The following CTNNA3 variants were observed in gnomAD, a reference collection of about 807,000 sequenced individuals.
CTNNA3 encodes catenin alpha 3, also known as catenin alpha-3.
CTNNA3 carries 76 observed loss-of-function variants against 95.7 expected under a neutral mutation model. The observed-to-expected ratio is 0.79, with a 90% CI of 0.66 to 0.96. The LOEUF (loss-of-function observed/expected upper bound fraction) is 0.96, where lower values mean the gene tolerates loss of function less well. Ranked by LOEUF, CTNNA3 falls within the 40% of genes least tolerant of loss-of-function variation. The probability of loss-of-function intolerance (pLI) is 0.00; values close to 1 mark genes in which losing one functional copy is unlikely to be tolerated. For missense variants in CTNNA3, 1,191 were observed against 1,089.8 expected (o/e 1.09, Z -1.31); for synonymous variants, 431 against 374.4 (o/e 1.15, Z -1.74).
intron 5 of CTNNA3, among the ~76,000 whole-genome samples, chr10:67,379,568 A>G (rs1261621556): frequency 6.6e-6 from 1 of 152,240 alleles, no homozygotes; most frequent in Non-Finnish European, 1.5e-5. Context: ...CCAAAGGTAA[A>G]GCAAACAAGT....
intron 1 of CTNNA3, among the ~76,000 whole-genome samples, chr10:67,672,490 T>C (rs553147148): frequency 3.9e-5 from 6 of 152,352 alleles, no homozygotes; most frequent in African/African-American, 1.2e-4. Context: ...TTTATGGTTT[T>C]AGGTCTAACA....
At chr10:67,437,310 G>T (rs1018717097) in intron 5 of CTNNA3, among the ~76,000 whole-genome samples, 1 of 152,074 alleles carries the variant, frequency 6.6e-6, no homozygotes, top group Non-Finnish European at 1.5e-5. Context: ...ATGGACTTTG[G>T]GGACCTGAGA....
chr10:66,013,850 C>T (rs2079047880), intron 15 of CTNNA3, among the ~76,000 whole-genome samples: 1 of 152,098 alleles, frequency 6.6e-6, no homozygotes, highest in Non-Finnish European at 1.5e-5. Context: ...AATAGCTTGG[C>T]AATTCAACAT....
intron 7 of CTNNA3, among the ~76,000 whole-genome samples, chr10:67,091,190 A>G (rs1274446792): frequency 6.6e-6 from 1 of 152,096 alleles, no homozygotes; most frequent in Non-Finnish European, 1.5e-5. Context: ...AGCAAAACCC[A>G]AAGCTAGTTA....
intron 7 of CTNNA3, among the ~76,000 whole-genome samples, chr10:66,990,391 A>G (rs1850979098): frequency 6.6e-6 from 1 of 152,210 alleles, no homozygotes; most frequent in Non-Finnish European, 1.5e-5. Flanking sequence ...TTAAATAAGA[A>G]AGATGCACAG....
chr10:66,621,006 T>C (rs1443731278), intron 10 of CTNNA3, among the ~76,000 whole-genome samples: 1 of 152,170 alleles, frequency 6.6e-6, no homozygotes, highest in Non-Finnish European at 1.5e-5. Context: ...TCTTGATTCA[T>C]GGCTTCAAAA....
intron 11 of CTNNA3, among the ~76,000 whole-genome samples, chr10:66,394,604 G>C (rs1251684962): frequency 2.7e-5 from 4 of 150,330 alleles, no homozygotes; most frequent in African/African-American, 9.7e-5. Flanking sequence ...TTACCAGACT[G>C]AGCATCAGGA....
At position 66,719,028 on chromosome 10, in the gene CTNNA3, T is replaced by C. The variant is rs554014010; in HGVS notation, c.1281+47236A>G. Among the ~76,000 whole-genome samples the C allele has an allele frequency of 3.9e-5, 6 of 152,344 alleles. No homozygotes were observed. In the East Asian group the frequency reaches 7.7e-4, roughly 20 times the overall value. On this transcript the variant is annotated intron_variant, in intron 9 of 17. Coordinates refer to ENST00000433211, the MANE Select transcript of CTNNA3 (RefSeq NM_013266.4). ...ATCTGCGCTATCCGTTCTGCACTTA[T>C]ACTTTGACTTCAGTGTATCAAATCA...
At chr10:66,996,318 C>T (rs546401276) in intron 7 of CTNNA3, among the ~76,000 whole-genome samples, 4 of 152,182 alleles carry the variant, frequency 2.6e-5, no homozygotes, top group African/African-American at 7.2e-5. Flanking sequence ...AGCAAGAGTG[C>T]CATTAATATA....
Position 66,253,693 on chromosome 10 carries a change from A to G in CTNNA3, c.1884+26777T>C, listed in dbSNP as rs372565399. On this transcript the variant is annotated intron_variant, in intron 13 of 17. Coordinates refer to ENST00000433211, the MANE Select transcript of CTNNA3 (RefSeq NM_013266.4). ...TGTTCAAGATATGTCTTTGTGGTGT[A>G]TGCATGTGTGTTTCTGTGTGTGTGC... Among the ~76,000 whole-genome samples, 48 of 152,126 alleles carry G rather than the reference A, an allele frequency of 3.2e-4. No homozygotes were observed. The South Asian group carries it at 9.6e-3, about 30-fold the overall frequency.
At chr10:67,683,968 T>A (rs966642436) in intron 1 of CTNNA3, among the ~76,000 whole-genome samples, 1 of 152,162 alleles carries the variant, frequency 6.6e-6, no homozygotes, top group Admixed American at 6.5e-5. Flanking sequence ...ATAAAGGTAA[T>A]GCGAACCCAA....
rs540359229 is a variant in CTNNA3 at position 66,007,453 on chromosome 10, A to C, written c.2160-18656T>G. On this transcript the variant is annotated intron_variant, in intron 15 of 17. Transcript: ENST00000433211. ...TTTATCTATTGCAAAATGATACAAC[A>C]TAATGCCTCTTCAATTAACAAATGT... Among the ~76,000 whole-genome samples the C allele has an allele frequency of 3.0e-3, 464 of 152,312 alleles. 1 individual carries two copies. The highest frequency in any genetic ancestry group is 0.011 in the African/African-American group (450 of 41,562).
chr10:67,009,523 T>TTTTG (rs142693561), intron 7 of CTNNA3, among the ~76,000 whole-genome samples: 2 of 152,046 alleles, frequency 1.3e-5, no homozygotes, highest in Admixed American at 6.6e-5. Context: ...TTTTCAGGCT[T>TTTTG]TTTGTTTGTT....
At chr10:66,993,801 A>G (rs1851175542) in intron 7 of CTNNA3, among the ~76,000 whole-genome samples, 1 of 151,532 alleles carries the variant, frequency 6.6e-6, no homozygotes, top group Non-Finnish European at 1.5e-5. Context: ...TAATAAATAT[A>G]TTTTGTTTTG....
intron 9 of CTNNA3, among the ~76,000 whole-genome samples, chr10:66,684,481 T>C (rs928009992): frequency 2.6e-5 from 4 of 152,168 alleles, no homozygotes; most frequent in Non-Finnish European, 5.9e-5. Flanking sequence ...GAGTTTCCTT[T>C]TAATTATAAA....
At chr10:67,744,679 T>C (rs911992655) in intron 1 of CTNNA3, among the ~76,000 whole-genome samples, 1 of 150,986 alleles carries the variant, frequency 6.6e-6, no homozygotes, top group African/African-American at 2.4e-5. Context: ...AAAGAGTTTC[T>C]GCACAGCAAA....
At chr10:67,680,685 G>A (rs1306956770) in intron 1 of CTNNA3, among the ~76,000 whole-genome samples, 1 of 152,028 alleles carries the variant, frequency 6.6e-6, no homozygotes, top group Non-Finnish European at 1.5e-5. Flanking sequence ...CAAAAACCCT[G>A]GCTAAGGTAC....
chr10:65,954,048 T>C (rs1196742868), intron 17 of CTNNA3, among the ~76,000 whole-genome samples: 1 of 152,178 alleles, frequency 6.6e-6, no homozygotes. Flanking sequence ...CCAGCACCTG[T>C]TGTTTCCTGA....
intron 11 of CTNNA3, among the ~76,000 whole-genome samples, chr10:66,505,761 G>A (rs374834137): frequency 6.6e-6 from 1 of 152,036 alleles, no homozygotes; most frequent in Non-Finnish European, 1.5e-5. Flanking sequence ...TCATTTCTAA[G>A]GGCCATTAAG....
Sources: allele counts gnomAD v4.1 joint callset (sites outside exome capture counted in the v4.1 genomes callset), GRCh38; gene constraint gnomAD v4.1.1; transcripts MANE v1.5; gene names NCBI Gene and HGNC (gene_info 2026-07-23, HGNC 2026-07-21).